Variants in FGF13 observed in about 807,000 individuals in gnomAD.
The protein encoded by FGF13 is fibroblast growth factor 13, also known as fibroblast growth factor homologous factor 2.
A neutral mutation model predicts 19.5 loss-of-function variants in FGF13; 2 were observed. The observed-to-expected ratio is 0.10, with a 90% CI of 0.04 to 0.32. The LOEUF is 0.32. FGF13 is among the 10% of genes least tolerant of loss of function. The probability of loss-of-function intolerance (pLI) is 1.00; values close to 1 mark genes in which losing one functional copy is unlikely to be tolerated. For missense variants in FGF13, 113 were observed against 192.7 expected (o/e 0.59, Z 2.45); for synonymous variants, 72 against 76.9 (o/e 0.94, Z 0.33).
chrX:139,075,834 T>TAAAGTACCTTCA (rs1603184653), intron 1 of FGF13, among the ~76,000 whole-genome samples: 410 of 36,951 alleles, frequency 0.011, 44 homozygotes, highest in African/African-American at 0.024. Context: ...GTGTATTTCT[T>TAAAGTACCTTCA]TTTTTTTTTT....
At chrX:138,875,195 G>A (rs1193135227) in intron 1 of FGF13, among the ~76,000 whole-genome samples, 1 of 101,193 alleles carries the variant, frequency 9.9e-6, no homozygotes. Flanking sequence ...TTGCACCACT[G>A]CACTCCAGCC....
At chrX:139,059,808 T>C (rs2092331246) in intron 1 of FGF13, among the ~76,000 whole-genome samples, 1 of 112,413 alleles carries the variant, frequency 8.9e-6, no homozygotes, top group Non-Finnish European at 1.9e-5. Flanking sequence ...TTCCCATATG[T>C]TGGACATTAA....
At chrX:138,744,787 T>A (rs930696211) in intron 3 of FGF13, among the ~76,000 whole-genome samples, 2 of 111,244 alleles carry the variant, frequency 1.8e-5, no homozygotes, top group African/African-American at 6.5e-5. Context: ...CATACATGAG[T>A]ACAGTTCAAA....
At chrX:138,876,953 T>C (rs1016654102) in intron 1 of FGF13, among the ~76,000 whole-genome samples, 2 of 112,426 alleles carry the variant, frequency 1.8e-5, no homozygotes, top group African/African-American at 6.5e-5. Flanking sequence ...AAATAAAGTG[T>C]CGGTACTATT....
chrX:138,996,223 C>T (rs910956788), intron 1 of FGF13, among the ~76,000 whole-genome samples: 11 of 112,485 alleles, frequency 9.8e-5, no homozygotes, highest in Admixed American at 2.8e-4. Context: ...ATGCAGGGCA[C>T]GGCATCACCT....
At chrX:139,015,376 A>G (rs1025464787) in intron 1 of FGF13, among the ~76,000 whole-genome samples, 1 of 111,744 alleles carries the variant, frequency 8.9e-6, no homozygotes, top group Non-Finnish European at 1.9e-5. Context: ...GTAAAGTTGC[A>G]GGATACAAAG....
intron 1 of FGF13, among the ~76,000 whole-genome samples, chrX:139,119,384 C>T (rs1255688132): frequency 4.5e-5 from 5 of 112,177 alleles, no homozygotes; most frequent in Non-Finnish European, 7.5e-5. Context: ...ATGTGCCAGG[C>T]ACTATTCTAG....
intron 3 of FGF13, among the ~76,000 whole-genome samples, chrX:138,751,987 A>T (rs1002515703): frequency 1.8e-5 from 2 of 111,988 alleles, no homozygotes; most frequent in Non-Finnish European, 3.8e-5. Context: ...GAACCTACTC[A>T]GGTTCACACA....
chrX:139,036,538 C>T (rs906993247), intron 1 of FGF13, among the ~76,000 whole-genome samples: 5 of 110,980 alleles, frequency 4.5e-5, no homozygotes, highest in Admixed American at 9.6e-5. Flanking sequence ...TGAAAGAACC[C>T]CATCACCCCA....
chrX:138,887,206 T>C (rs773212261), intron 1 of FGF13, among the ~76,000 whole-genome samples: 10 of 112,067 alleles, frequency 8.9e-5, no homozygotes, highest in Non-Finnish European at 5.6e-5. Flanking sequence ...ACCTCACTTA[T>C]AGGATTGTTA....
At chrX:138,681,219 G>A (rs950910625) in intron 3 of FGF13, among the ~76,000 whole-genome samples, 6 of 109,901 alleles carry the variant, frequency 5.5e-5, no homozygotes, top group African/African-American at 9.9e-5. Flanking sequence ...GTTTTGTGTA[G>A]CCACCTTCAT....
intron 1 of FGF13, among the ~76,000 whole-genome samples, chrX:138,886,626 C>G (rs1251614494): frequency 8.9e-6 from 1 of 111,819 alleles, no homozygotes; most frequent in African/African-American, 3.3e-5. Context: ...ATGTGAATAA[C>G]CCTCCTCAGG....
At chrX:139,054,243 C>A (rs1441237882) in intron 1 of FGF13, among the ~76,000 whole-genome samples, 3 of 106,338 alleles carry the variant, frequency 2.8e-5, no homozygotes, top group Non-Finnish European at 5.8e-5. Flanking sequence ...CTGCCTCAGC[C>A]TCCCGAGTAG....
In FGF13 at chrX:138,983,755, C is replaced by T. The variant is rs141217677; in HGVS notation, c.-112-119105G>A. On this transcript the variant is annotated intron_variant, in intron 1 of 2. Coordinates refer to the FGF13 transcript ENST00000421460. ...ATGTTCATTATAGTATTATTCACAA[C>T]AGCCAAGATATGGAAACAACCAAAA... Among the ~76,000 whole-genome samples the T allele has an allele frequency of 4.6e-3, 512 of 111,005 alleles. 2 individuals carry two copies. Among genetic ancestry groups the T allele is most frequent in the Middle Eastern group, 9.3e-3 (2 of 216 alleles).
intron 1 of FGF13, among the ~76,000 whole-genome samples, chrX:139,177,670 G>A (rs892717340): frequency 5.4e-5 from 6 of 111,550 alleles, no homozygotes; most frequent in African/African-American, 2.0e-4. Context: ...GGGCTCCATG[G>A]GGGTGGGATC....
In FGF13 at chrX:138,735,451, C is replaced by T. The variant is rs761494581; in HGVS notation, c.28+3791G>A. On this transcript the variant is annotated intron_variant, in intron 1 of 4. Transcript: ENST00000305414. ...TTAGACATTTCAGCGGCATGTTGAA[C>T]TAAATATAGGGAATTGGCATGGTAA... is the stretch of plus-strand genomic sequence containing the variant. Among the ~76,000 whole-genome samples, 20 of 111,814 alleles carry T rather than the reference C, an allele frequency of 1.8e-4. No individual in the cohort carries two copies. The South Asian group carries it at 7.0e-3, about 39-fold the overall frequency.
At chrX:138,926,445 GAGC>G (rs2091674816) in intron 1 of FGF13, among the ~76,000 whole-genome samples, 1 of 111,792 alleles carries the variant, frequency 8.9e-6, no homozygotes, top group African/African-American at 3.3e-5. Context: ...AGAAAAATGT[GAGC>G]AGAATAAGGA....
chrX:138,781,541 C>T (rs1295536031), intron 3 of FGF13, among the ~76,000 whole-genome samples: 1 of 110,315 alleles, frequency 9.1e-6, no homozygotes, highest in African/African-American at 3.3e-5. Context: ...ACAAACACCT[C>T]TACGCAAATA....
intron 3 of FGF13, among the ~76,000 whole-genome samples, chrX:138,644,795 T>C (rs948270014): frequency 8.9e-6 from 1 of 111,924 alleles, no homozygotes; most frequent in Non-Finnish European, 1.9e-5. Flanking sequence ...CTGCAAAACA[T>C]AAAAGCTGGT....
Sources: allele counts gnomAD v4.1 joint callset (sites outside exome capture counted in the v4.1 genomes callset), GRCh38; gene constraint gnomAD v4.1.1; transcripts MANE v1.5; gene names NCBI Gene and HGNC (gene_info 2026-07-23, HGNC 2026-07-21).